The following CLIP1 variants were observed in gnomAD, a reference collection of about 807,000 sequenced individuals.
CLIP1 encodes the protein CAP-Gly domain-containing linker protein 1.
A neutral mutation model predicts 161.6 loss-of-function variants in CLIP1; 66 were observed. The ratio of observed to expected loss-of-function variants is 0.41; its 90% CI spans 0.33 to 0.50. CLIP1 has a LOEUF of 0.50. CLIP1 is among the 20% of genes least tolerant of loss of function. The pLI is 0.27. For synonymous variants in CLIP1, 598 were observed against 626.2 expected (o/e 0.96, Z 0.67); for missense variants, 1,376 against 1,702.0 (o/e 0.81, Z 3.37).
intron 18 of CLIP1, among the ~76,000 whole-genome samples, chr12:122,317,437 C>T (rs1388189942): frequency 1.3e-5 from 2 of 152,174 alleles, no homozygotes; most frequent in Non-Finnish European, 2.9e-5. Flanking sequence ...AGGGCACTTA[C>T]ACCCACCTGG....
intron 21 of CLIP1, among the ~76,000 whole-genome samples, chr12:122,283,462 T>TTTTC (rs1955727597): frequency 7.1e-6 from 1 of 140,008 alleles, no homozygotes; most frequent in Non-Finnish European, 1.5e-5. Flanking sequence ...CTTTCTTTTC[T>TTTTC]TTTTTTTTTT....
intron 15 of CLIP1, among the ~76,000 whole-genome samples, 186 bp downstream of exon 15, chr12:122,332,801 G>A (rs1952039693): frequency 6.6e-6 from 1 of 152,150 alleles, no homozygotes; most frequent in Admixed American, 6.5e-5. Context: ...TGACAAGTAA[G>A]ATAGGTAAAA....
intron 1 of CLIP1, among the ~76,000 whole-genome samples, chr12:122,388,867 AC>A (rs1159216757): frequency 2.0e-5 from 3 of 152,116 alleles, no homozygotes; most frequent in Non-Finnish European, 4.4e-5. Context: ...GAACAACTGC[AC>A]CCAGCCCAGA....
At chr12:122,300,357 G>A (rs919745168) in intron 20 of CLIP1, among the ~76,000 whole-genome samples, 2 of 150,838 alleles carry the variant, frequency 1.3e-5, no homozygotes, top group African/African-American at 2.4e-5. Flanking sequence ...ACAGAGAGGG[G>A]GAAAAAAGCA....
chr12:122,319,653 A>C (rs1174354094), intron 17 of CLIP1, among the ~76,000 whole-genome samples: 1 of 152,258 alleles, frequency 6.6e-6, no homozygotes, highest in African/African-American at 2.4e-5. Context: ...TGCTCCCTTC[A>C]TTCTGACTTA....
chr12:122,300,132 T>C (rs1950625525), intron 20 of CLIP1, among the ~76,000 whole-genome samples: 2 of 152,092 alleles, frequency 1.3e-5, no homozygotes, highest in Non-Finnish European at 2.9e-5. Context: ...TAGCCAGGCA[T>C]AGTGGTATGT....
intron 17 of CLIP1, among the ~76,000 whole-genome samples, chr12:122,324,725 T>C (rs1951641661): frequency 6.6e-6 from 1 of 152,138 alleles, no homozygotes; most frequent in South Asian, 2.1e-4. Context: ...TCAAATTACT[T>C]TGAAAGCAGA....
intron 1 of CLIP1, among the ~76,000 whole-genome samples, chr12:122,387,942 T>C (rs896063123): frequency 7.9e-5 from 12 of 152,116 alleles, no homozygotes; most frequent in Non-Finnish European, 1.6e-4. Context: ...TAATTTCTAA[T>C]ATGGTAAATA....
At chr12:122,334,477 T>G (rs557725670) in intron 13 of CLIP1, among the ~76,000 whole-genome samples, 171 bp downstream of exon 13, 1 of 152,204 alleles carries the variant, frequency 6.6e-6, no homozygotes, top group South Asian at 2.1e-4. Context: ...AAATTGGGAG[T>G]TTGAGGCTTC....
At chr12:122,380,242 C>CAAAAA in intron 2 of CLIP1, 126 bp downstream of exon 2, 1 of 429,746 alleles carries the variant, frequency 2.3e-6, no homozygotes, top group Non-Finnish European at 3.7e-6. Context: ...GATTCCATCT[C>CAAAAA]AAAAAAAAAA....
At chr12:122,319,409 G>C in intron 17 of CLIP1, 61 bp from the exon 18 acceptor site, 1 of 1,298,076 alleles carries the variant, frequency 7.7e-7, no homozygotes. Flanking sequence ...GTTAGGTGAG[G>C]ATCGGGCTGT....
Position 122,379,943 on chromosome 12 carries a change from T to TAAAAAAAAAAAAAAA in CLIP1, c.85+424_85+425insTTTTTTTTTTTTTTT, listed in dbSNP as rs1566198620. Among the ~76,000 whole-genome samples the TAAAAAAAAAAAAAAA allele has an allele frequency of 9.8e-4, 69 of 70,384 alleles. 7 individuals carry two copies. The highest frequency in any genetic ancestry group is 2.7e-3 in the East Asian group (5 of 1,846). 46.2% of individuals were successfully genotyped at this position (70,384 alleles called of 152,430 possible). A position where few individuals can be genotyped will look rare whatever the true frequency, so the allele number is the denominator to read the frequency against. On this transcript the variant is annotated intron_variant, in intron 2 of 25. Coordinates refer to ENST00000620786, the MANE Select transcript of CLIP1 (RefSeq NM_001247997.2). The stretch of plus-strand genomic sequence containing the variant: ...TGGGGAATAGAGCAAGACTCCATCT[T>TAAAAAAAAAAAAAAA]TAAAAAAAAAAAAAAAAAATGCAAG...
In CLIP1 at chr12:122,336,716, T is replaced by C; in HGVS notation, c.2484A>G (p.Arg828=). 2 of 1,608,774 alleles carry C rather than the reference T, an allele frequency of 1.2e-6. No homozygotes were observed. The highest frequency in any genetic ancestry group is 1.7e-6 in the Non-Finnish European group (2 of 1,176,394). ...ASSITRELQG[R]ELKLTNLQEN... ...CCTGAAGGTTAGTAAGCTTTAGCTC[T>C]CTCCCCTGGAGCTCTCTGGTAATGC... The change falls in exon 12 of 26, where the codon AGA becomes AGG. Residue 828 remains arginine (R), a synonymous_variant. Transcript: ENST00000620786.
chr12:122,341,455 A>G lies in CLIP1; in HGVS notation c.1749T>C (p.Thr583=), dbSNP rs1228826263. The change falls in exon 11 of 26, where the codon ACT becomes ACC. Residue 583 remains threonine (T), a synonymous_variant. Coordinates refer to ENST00000620786, the MANE Select transcript of CLIP1 (RefSeq NM_001247997.2). Reference sequence around the variant, plus strand: ...ACAGAGCCTTTATCTCCTTCTGATGAGTTTCTTCCCGGGCTCCAAAATGCT... The same window carrying G: ...ACAGAGCCTTTATCTCCTTCTGATGGGTTTCTTCCCGGGCTCCAAAATGCT... The part of the protein sequence containing the change: ...LKEHFGAREE[T]HQKEIKALYT... 1.2e-6 allele frequency: 2 copies of G among 1,613,102 alleles called. No individual in the cohort carries two copies. The highest frequency in any genetic ancestry group is 1.7e-6 in the Non-Finnish European group (2 of 1,179,500).
chr12:122,370,358 C>A (rs1231686586), intron 3 of CLIP1, among the ~76,000 whole-genome samples: 1 of 152,076 alleles, frequency 6.6e-6, no homozygotes, highest in African/African-American at 2.4e-5. Context: ...CTTTAGATCA[C>A]GATGTGTTGG....
intron 1 of CLIP1, among the ~76,000 whole-genome samples, chr12:122,416,148 A>G (rs968934295): frequency 6.6e-6 from 1 of 151,954 alleles, no homozygotes; most frequent in Non-Finnish European, 1.5e-5. Flanking sequence ...TGAGGCAGAG[A>G]ATCGCTTGAA....
At chr12:122,330,597 G>GTTTTTTTTTGTTTT (rs1951901515) in intron 15 of CLIP1, among the ~76,000 whole-genome samples, 6 of 101,404 alleles carry the variant, frequency 5.9e-5, no homozygotes, top group African/African-American at 2.6e-4. Flanking sequence ...GTATAATGCA[G>GTTTTTTTTTGTTTT]TTTTTTTTTT....
At chr12:122,317,332 T>C (rs536887635) in intron 18 of CLIP1, among the ~76,000 whole-genome samples, 1 of 152,224 alleles carries the variant, frequency 6.6e-6, no homozygotes, top group Non-Finnish European at 1.5e-5. Context: ...ACAAAAATTA[T>C]TTATTTGAAT....
intron 20 of CLIP1, among the ~76,000 whole-genome samples, chr12:122,301,475 A>C (rs2136424020): frequency 6.6e-6 from 1 of 152,292 alleles, no homozygotes; most frequent in South Asian, 2.1e-4. Flanking sequence ...GGATTTTGAG[A>C]CAAGCCTGGC....
Sources: gnomAD v4.1 joint callset for allele counts (sites outside exome capture counted in the v4.1 genomes callset) on GRCh38, gnomAD v4.1.1 for gene constraint, MANE v1.5 for transcripts, NCBI Gene and HGNC (gene_info 2026-07-23, HGNC 2026-07-21) for gene names.